The following SEMA5A variants were observed in gnomAD, a reference collection of about 807,000 sequenced individuals.
The protein encoded by SEMA5A is semaphorin-5A.
SEMA5A carries 55 observed loss-of-function variants against 135.5 expected under a neutral mutation model. The observed-to-expected ratio is 0.41, with a 90% CI of 0.33 to 0.51. The LOEUF (loss-of-function observed/expected upper bound fraction) is 0.51. Ranked by LOEUF, SEMA5A falls within the 20% of genes least tolerant of loss-of-function variation. The pLI is 0.37. For missense variants in SEMA5A, 1,290 were observed against 1,419.9 expected (o/e 0.91, Z 1.47); for synonymous variants, 580 against 546.5 (o/e 1.06, Z -0.85).
intron 1 of SEMA5A, among the ~76,000 whole-genome samples, chr5:9,452,404 TGAA>T (rs1281804407): frequency 6.6e-6 from 1 of 152,156 alleles, no homozygotes. Flanking sequence ...GTCAGCAGCT[TGAA>T]GAAGAACTGC....
chr5:9,346,650 G>A (rs372541883), intron 3 of SEMA5A, among the ~76,000 whole-genome samples: 1 of 152,160 alleles, frequency 6.6e-6, no homozygotes, highest in Non-Finnish European at 1.5e-5. Flanking sequence ...GGTGGAACAC[G>A]GAGGGTCTGA....
intron 5 of SEMA5A, among the ~76,000 whole-genome samples, chr5:9,273,297 T>G (rs1384909545): frequency 6.6e-6 from 1 of 151,286 alleles, no homozygotes; most frequent in Non-Finnish European, 1.5e-5. Context: ...AAAAAAGAAG[T>G]GAAAAGAAAT....
At chr5:9,405,788 A>C (rs1756861366) in intron 2 of SEMA5A, among the ~76,000 whole-genome samples, 1 of 152,106 alleles carries the variant, frequency 6.6e-6, no homozygotes, top group Admixed American at 6.5e-5. Context: ...CTTCCATATC[A>C]CTTATTACTC....
intron 2 of SEMA5A, 102 bp from the exon 3 acceptor site, chr5:9,380,125 G>A (rs1755534535): frequency 2.8e-6 from 2 of 722,960 alleles, no homozygotes; most frequent in Non-Finnish European, 2.2e-6. Flanking sequence ...TACACTTTGT[G>A]GAGATAGAGG....
intron 16 of SEMA5A, among the ~76,000 whole-genome samples, chr5:9,089,251 C>A (rs181005704): frequency 6.6e-6 from 1 of 152,334 alleles, no homozygotes; most frequent in Non-Finnish European, 1.5e-5. Context: ...ATCCATGCAC[C>A]AGAAAACAAG....
chr5:9,274,018 T>C (rs1750124420), intron 5 of SEMA5A, among the ~76,000 whole-genome samples: 1 of 152,102 alleles, frequency 6.6e-6, no homozygotes, highest in African/African-American at 2.4e-5. Context: ...ATGGGTTAAA[T>C]GCCCCAATTA....
At chr5:9,536,582 C>T (rs1170689540) in intron 1 of SEMA5A, among the ~76,000 whole-genome samples, 5 of 150,490 alleles carry the variant, frequency 3.3e-5, no homozygotes. Context: ...CACTGCACTC[C>T]AGCCTGGAGA....
chr5:9,278,739 G>C (rs1326528261), intron 5 of SEMA5A, among the ~76,000 whole-genome samples: 1 of 152,226 alleles, frequency 6.6e-6, no homozygotes, highest in Non-Finnish European at 1.5e-5. Context: ...GTACAGCTCA[G>C]GCTGAGGCTT....
intron 8 of SEMA5A, among the ~76,000 whole-genome samples, chr5:9,215,586 G>C (rs780601351): frequency 6.6e-6 from 1 of 152,172 alleles, no homozygotes; most frequent in Non-Finnish European, 1.5e-5. Flanking sequence ...ACTAGAGCTA[G>C]AGGAGGTAAC....
intron 16 of SEMA5A, among the ~76,000 whole-genome samples, chr5:9,075,808 G>A (rs1738021157): frequency 6.6e-6 from 1 of 152,150 alleles, no homozygotes; most frequent in Non-Finnish European, 1.5e-5. Flanking sequence ...TTTTAAACAT[G>A]TAGTGCATTG....
chr5:9,207,234 G>A (rs939656070), intron 8 of SEMA5A, among the ~76,000 whole-genome samples: 52 of 151,182 alleles, frequency 3.4e-4, no homozygotes, highest in African/African-American at 1.3e-3. Flanking sequence ...TGCCCAGGCT[G>A]GAGTGCAATG....
chr5:9,425,214 TA>T (rs5865831), intron 2 of SEMA5A, among the ~76,000 whole-genome samples: 137,954 of 152,224 alleles, frequency 0.91, 62,974 homozygotes, highest in Middle Eastern at 0.95. Context: ...GCATAGCACT[TA>T]ACCACTGGAC....
chr5:9,456,843 C>T (rs532995284), intron 1 of SEMA5A, among the ~76,000 whole-genome samples: 1 of 152,284 alleles, frequency 6.6e-6, no homozygotes, highest in South Asian at 2.1e-4. Context: ...GTTTAAATGA[C>T]AACAGAGAGG....
chr5:9,522,884 TC>T (rs1736913847), intron 1 of SEMA5A: 1 of 152,214 alleles, frequency 6.6e-6, no homozygotes, highest in African/African-American at 2.4e-5. Flanking sequence ...AGACGTGGCT[TC>T]CCTTCTCATA....
intron 14 of SEMA5A, among the ~76,000 whole-genome samples, chr5:9,121,784 G>T (rs770228384): frequency 2.0e-5 from 3 of 152,136 alleles, no homozygotes; most frequent in African/African-American, 7.2e-5. Flanking sequence ...GGGCAAAGTC[G>T]GCCTTTTGCT....
intron 4 of SEMA5A, among the ~76,000 whole-genome samples, chr5:9,327,290 T>C (rs1337679119): frequency 6.6e-6 from 1 of 152,160 alleles, no homozygotes; most frequent in African/African-American, 2.4e-5. Flanking sequence ...TCCTCAAAAA[T>C]AGTAAATATG....
intron 1 of SEMA5A, among the ~76,000 whole-genome samples, chr5:9,533,202 C>T (rs1390140905): frequency 6.6e-6 from 1 of 152,170 alleles, no homozygotes; most frequent in Non-Finnish European, 1.5e-5. Flanking sequence ...AATATTCCAC[C>T]ACAGGATACA....
intron 1 of SEMA5A, among the ~76,000 whole-genome samples, chr5:9,459,525 C>T (rs889953016): frequency 1.2e-4 from 18 of 152,286 alleles, no homozygotes; most frequent in East Asian, 1.9e-4. Context: ...ACAAATTCTG[C>T]CTACAGCCCA....
intron 1 of SEMA5A, among the ~76,000 whole-genome samples, chr5:9,505,759 T>C (rs1735849114): frequency 1.3e-5 from 2 of 152,228 alleles, no homozygotes; most frequent in Non-Finnish European, 2.9e-5. Flanking sequence ...ATGATTTATT[T>C]CTAACTGCTG....
Sources: allele counts gnomAD v4.1 joint callset (sites outside exome capture counted in the v4.1 genomes callset), GRCh38; gene constraint gnomAD v4.1.1; transcripts MANE v1.5; gene names NCBI Gene and HGNC (gene_info 2026-07-23, HGNC 2026-07-21).